WWOX: variants seen among roughly 807,000 people sequenced by gnomAD.
WWOX encodes WW domain containing oxidoreductase.
Under a neutral mutation model 46.2 loss-of-function variants are expected in WWOX, and 69 were observed. That is an observed-to-expected ratio of 1.49 (90% CI 1.23 to 1.82). WWOX has a LOEUF of 1.82. WWOX is among the 40% of genes most tolerant of loss of function. The pLI is 0.00. For synonymous variants in WWOX, 359 were observed against 202.6 expected (o/e 1.77, Z -6.56); for missense variants, 919 against 542.6 (o/e 1.69, Z -6.89).
intron 8 of WWOX, among the ~76,000 whole-genome samples, chr16:78,451,872 A>G (rs1266558056): frequency 6.6e-6 from 1 of 152,176 alleles, no homozygotes; most frequent in Non-Finnish European, 1.5e-5. Context: ...TCTAAGGAAA[A>G]TCCTTGGGGA....
chr16:78,401,600 C>T (rs2082415390), intron 6 of WWOX, among the ~76,000 whole-genome samples: 1 of 152,026 alleles, frequency 6.6e-6, no homozygotes. Flanking sequence ...TGAGGAACCC[C>T]ACTGAAGGCT....
intron 5 of WWOX, among the ~76,000 whole-genome samples, chr16:78,260,047 G>A (rs1230024602): frequency 1.3e-5 from 2 of 151,130 alleles, no homozygotes; most frequent in Non-Finnish European, 2.9e-5. Context: ...CCCAGCAGGC[G>A]TTGCCAGAGA....
chr16:78,745,553 T>C (rs944981577), intron 8 of WWOX, among the ~76,000 whole-genome samples: 3 of 150,920 alleles, frequency 2.0e-5, no homozygotes, highest in Admixed American at 6.6e-5. Flanking sequence ...TTTGCTTCTT[T>C]CTGTGGATCT....
chr16:78,565,190 T>C (rs1156901615), intron 8 of WWOX, among the ~76,000 whole-genome samples: 2 of 152,222 alleles, frequency 1.3e-5, no homozygotes, highest in African/African-American at 4.8e-5. Flanking sequence ...CATCACTGTG[T>C]TTCTTTCCTC....
intron 8 of WWOX, among the ~76,000 whole-genome samples, chr16:78,705,683 T>C (rs1226579180): frequency 2.0e-5 from 3 of 152,264 alleles, no homozygotes; most frequent in Admixed American, 6.5e-5. Context: ...TTTAGTTATT[T>C]ATTTATTTAT....
chr16:78,321,433 TA>T (rs57053264), intron 5 of WWOX, among the ~76,000 whole-genome samples: 3 of 140,922 alleles, frequency 2.1e-5, no homozygotes, highest in Admixed American at 1.5e-4. Context: ...TATATATATA[TA>T]AAAATATATT....
chr16:78,655,364 A>T (rs192541432), intron 8 of WWOX, among the ~76,000 whole-genome samples: 1 of 152,122 alleles, frequency 6.6e-6, no homozygotes, highest in Non-Finnish European at 1.5e-5. Context: ...CGTTGGCTTG[A>T]TCTCCTCAGC....
chr16:78,865,581 G>T (rs1000673012), intron 8 of WWOX, among the ~76,000 whole-genome samples: 1 of 152,232 alleles, frequency 6.6e-6, no homozygotes, highest in East Asian at 1.9e-4. Context: ...AAAGTGCAAG[G>T]AATTGTGTGT....
At chr16:78,705,110 G>A (rs184529433) in intron 8 of WWOX, among the ~76,000 whole-genome samples, 39 of 152,166 alleles carry the variant, frequency 2.6e-4, no homozygotes, top group African/African-American at 7.7e-4. Flanking sequence ...TAGTGCCGCA[G>A]TGTTTTCAGT....
intron 8 of WWOX, among the ~76,000 whole-genome samples, chr16:78,449,194 C>T (rs1458506419): frequency 1.3e-5 from 2 of 152,146 alleles, no homozygotes; most frequent in East Asian, 1.9e-4. Context: ...TTCCTTGCCA[C>T]GTAGGGATCT....
At chr16:79,038,647 T>G (rs575211050) in intron 8 of WWOX, among the ~76,000 whole-genome samples, 1 of 152,152 alleles carries the variant, frequency 6.6e-6, no homozygotes, top group Non-Finnish European at 1.5e-5. Context: ...CCTCCCAGAT[T>G]CAAGCAATTT....
chr16:78,639,747 G>A (rs2046658606), intron 8 of WWOX, among the ~76,000 whole-genome samples: 2 of 152,164 alleles, frequency 1.3e-5, no homozygotes, highest in East Asian at 3.9e-4. Flanking sequence ...GTCTTTTTTA[G>A]TAGAGACAGG....
intron 8 of WWOX, among the ~76,000 whole-genome samples, chr16:79,175,216 G>A (rs1376527179): frequency 4.6e-5 from 7 of 152,106 alleles, no homozygotes; most frequent in African/African-American, 1.7e-4. Flanking sequence ...ATTGAACGAA[G>A]GCATTTGAAA....
chr16:78,100,314 G>A (rs1392161652), intron 1 of WWOX: 4 of 930,794 alleles, frequency 4.3e-6, no homozygotes, highest in Non-Finnish European at 5.3e-6. Flanking sequence ...GTGCAGGGGT[G>A]CCATCATAGC....
At chr16:78,220,609 GAAC>G (rs1370028313) in intron 5 of WWOX, among the ~76,000 whole-genome samples, 1 of 152,066 alleles carries the variant, frequency 6.6e-6, no homozygotes, top group African/African-American at 2.4e-5. Flanking sequence ...AGCGAAAATT[GAAC>G]ATTTTTATTT....
At chr16:78,907,876 G>A (rs2045007177) in intron 8 of WWOX, among the ~76,000 whole-genome samples, 1 of 152,106 alleles carries the variant, frequency 6.6e-6, no homozygotes, top group Non-Finnish European at 1.5e-5. Context: ...CAAAGCCCGT[G>A]GCATGTCAAG....
At chr16:79,091,437 A>G (rs768548499) in intron 8 of WWOX, among the ~76,000 whole-genome samples, 1 of 152,116 alleles carries the variant, frequency 6.6e-6, no homozygotes, top group African/African-American at 2.4e-5. Flanking sequence ...CAGCTTCCCC[A>G]CTGGGTGTTC....
intron 5 of WWOX, among the ~76,000 whole-genome samples, chr16:78,301,815 C>T (rs1220807446): frequency 2.6e-5 from 4 of 152,148 alleles, no homozygotes. Context: ...ATTACGTTAC[C>T]TAGGGTTAGG....
At chr16:78,702,103 TA>T (rs2048235708) in intron 8 of WWOX, among the ~76,000 whole-genome samples, 1 of 61,600 alleles carries the variant, frequency 1.6e-5, no homozygotes, top group Non-Finnish European at 3.9e-5. Context: ...TATAAAGTTA[TA>T]TATATATATA....
Sources: allele counts gnomAD v4.1 joint callset (sites outside exome capture counted in the v4.1 genomes callset), GRCh38; gene constraint gnomAD v4.1.1; transcripts MANE v1.5; gene names NCBI Gene and HGNC (gene_info 2026-07-23, HGNC 2026-07-21).